Variants in ICAM1 observed in about 807,000 individuals in gnomAD.
ICAM1 encodes intercellular adhesion molecule 1.
A neutral mutation model predicts 42.3 loss-of-function variants in ICAM1; 28 were observed. The observed-to-expected ratio is 0.66, with a 90% CI of 0.49 to 0.91. ICAM1 has a LOEUF of 0.91. ICAM1 is among the 40% of genes least tolerant of loss of function. ICAM1 has a pLI of 0.00. For synonymous variants in ICAM1, 304 were observed against 305.9 expected (o/e 0.99, Z 0.07); for missense variants, 637 against 688.6 (o/e 0.93, Z 0.84).
chr19:10,286,204 C>T lies in ICAM1; in HGVS notation c.*917C>T, dbSNP rs1266480859. The T allele has an allele frequency of 6.6e-6, 1 of 152,386 alleles. No homozygotes were observed. The highest frequency in any genetic ancestry group is 1.5e-5 in the Non-Finnish European group (1 of 68,068). 9.4% of individuals were successfully genotyped at this position (152,386 alleles called of 1,614,324 possible). ...GACATGAGTGCCCAGGGAATATGCC[C>T]AAGCTATGCCTTGTCCTCTTGTCCT... On this transcript the variant is annotated 3_prime_UTR_variant, in exon 7 of 7. Coordinates refer to ENST00000264832, the MANE Select transcript of ICAM1 (RefSeq NM_000201.3).
At chr19:10,282,813 G>T (rs1459836401) in intron 2 of ICAM1, among the ~76,000 whole-genome samples, 2 of 151,938 alleles carry the variant, frequency 1.3e-5, no homozygotes, top group Admixed American at 6.6e-5. Flanking sequence ...AGGAATTCGA[G>T]ACCAGCCTGG....
intron 2 of ICAM1, among the ~76,000 whole-genome samples, chr19:10,281,124 T>C (rs560017070): frequency 1.2e-4 from 18 of 150,512 alleles, no homozygotes; most frequent in South Asian, 4.2e-4. Context: ...CCGCCCGCCT[T>C]GGCCTCCCAA....
At chr19:10,283,884 G>A (rs983160615) in intron 3 of ICAM1, 98 bp downstream of exon 3, 20 of 1,443,552 alleles carry the variant, frequency 1.4e-5, no homozygotes, top group African/African-American at 7.0e-5. Flanking sequence ...GTGTGGCCCC[G>A]GCTAAGGGGT....
rs751590636 is a variant in ICAM1, at chr19:10,284,674, G to A, written c.1180+17G>A. The A allele has an allele frequency of 6.2e-7, 1 of 1,613,514 alleles. No homozygotes were observed. Among genetic ancestry groups the A allele is most frequent in the South Asian group, 1.1e-5 (1 of 91,072 alleles). ...GTGTCCTGTGTGAGTGGGGCTGCTG[G>A]TCAATGGCCCCTATCCCCCAAGGCC... On this transcript the variant is annotated intron_variant, in intron 5 of 6. Transcript: ENST00000264832. This position sits in a 1 kb window ranked among gnomAD's most constrained non-coding sequence, Gnocchi z 5.4.
rs370706504 is a variant in ICAM1, at chr19:10,272,208, C to G, written c.67+982C>G. 7.9e-5 allele frequency among the ~76,000 whole-genome samples: 12 copies of G among 152,118 alleles called. No homozygotes were observed. The East Asian group carries it at 1.2e-3, about 15-fold the overall frequency. ...GCTGAGGGAGGAAAATCCCTTAAGC[C>G]CACGAGGCTGAGGTTGCAGTGAACC... On this transcript the variant is annotated intron_variant, in intron 1 of 6. Coordinates refer to ENST00000264832, the MANE Select transcript of ICAM1 (RefSeq NM_000201.3).
At chr19:10,279,469 G>A (rs2040040368) in intron 2 of ICAM1, among the ~76,000 whole-genome samples, 1 of 151,964 alleles carries the variant, frequency 6.6e-6, no homozygotes, top group African/African-American at 2.4e-5. Flanking sequence ...TTGAACCCAG[G>A]AATTTTTTTG....
chr19:10,275,802 G>A (rs998407383), intron 2 of ICAM1, among the ~76,000 whole-genome samples: 10 of 150,924 alleles, frequency 6.6e-5, no homozygotes, highest in Non-Finnish European at 1.0e-4. Context: ...CCGCCTCCCG[G>A]GTTCACGCCA....
At position 10,285,532 on chromosome 19, in the gene ICAM1, C is replaced by T. The variant is rs2040097662; in HGVS notation, c.*245C>T. The T allele has an allele frequency of 2.0e-6, 1 of 510,280 alleles. No individual in the cohort carries two copies. The highest frequency in any genetic ancestry group is 3.5e-6 in the Non-Finnish European group (1 of 286,046). 31.6% of individuals were successfully genotyped at this position (510,280 alleles called of 1,614,324 possible). ...TAAGCCAAGAGGAAGGAGCAAGACT[C>T]AAGACATGATTGATGGATGTTAAAG... On this transcript the variant is annotated 3_prime_UTR_variant, in exon 7 of 7. Coordinates refer to ENST00000264832, the MANE Select transcript of ICAM1 (RefSeq NM_000201.3).
chr19:10,271,314 G>A (rs982288877), intron 1 of ICAM1, 88 bp downstream of exon 1: 6 of 1,164,804 alleles, frequency 5.2e-6, no homozygotes, highest in Non-Finnish European at 7.4e-6. Context: ...TGCTTAGGTA[G>A]CTGTTTATGG....
At chr19:10,280,600 G>A (rs945254056) in intron 2 of ICAM1, among the ~76,000 whole-genome samples, 9 of 150,454 alleles carry the variant, frequency 6.0e-5, no homozygotes, top group East Asian at 2.0e-4. Context: ...CCGGAGTTTC[G>A]CTCTTATTGC....
chr19:10,285,917 G>A lies in ICAM1; in HGVS notation c.*630G>A, dbSNP rs1225671621. The A allele has an allele frequency of 6.5e-6, 1 of 153,792 alleles. No homozygotes were observed. The highest frequency in any genetic ancestry group is 1.4e-5 in the Non-Finnish European group (1 of 69,072). The allele number at this position is 153,792 out of a possible 1,614,324, so 9.5% of individuals were successfully genotyped here. A position where few individuals can be genotyped will look rare whatever the true frequency, so the allele number is the denominator to read the frequency against. On this transcript the variant is annotated 3_prime_UTR_variant, in exon 7 of 7. Coordinates refer to ENST00000264832, the MANE Select transcript of ICAM1 (RefSeq NM_000201.3). ...CAAGGTCACCAGGTACAGTTGTACA[G>A]GTTGTACACTGCAGGAGAGTGCCTG...
intron 1 of ICAM1, 138 bp from the exon 2 acceptor site, chr19:10,274,627 T>C: frequency 1.0e-6 from 1 of 996,132 alleles, no homozygotes; most frequent in Non-Finnish European, 1.4e-6. Context: ...CTCATGAATT[T>C]TCTCTTTAAC....
chr19:10,274,013 C>CAAAA (rs34434348), intron 1 of ICAM1, among the ~76,000 whole-genome samples: 1 of 134,464 alleles, frequency 7.4e-6, no homozygotes. Context: ...GACTCCATCT[C>CAAAA]AAAAAAAAAA....
In ICAM1 at chr19:10,274,675, G is replaced by A; in HGVS notation, c.68-90G>A. The stretch of plus-strand genomic sequence containing the variant: ...GGCAAAGTATTGTCTTGTTAAGGCT[G>A]TGCCTCCAGCACCCAGCACAGGCTG... On this transcript the variant is annotated intron_variant, in intron 1 of 6. Coordinates refer to ENST00000264832, the MANE Select transcript of ICAM1 (RefSeq NM_000201.3). 3 of 1,425,660 alleles carry A rather than the reference G, an allele frequency of 2.1e-6. No homozygotes were observed. In the South Asian group the frequency reaches 3.9e-5, roughly 19 times the overall value. 88.3% of individuals were successfully genotyped at this position (1,425,660 alleles called of 1,614,324 possible). A position where few individuals can be genotyped will look rare whatever the true frequency, so the allele number is the denominator to read the frequency against.
At chr19:10,272,228 T>C (rs2039986734) in intron 1 of ICAM1, among the ~76,000 whole-genome samples, 1 of 152,182 alleles carries the variant, frequency 6.6e-6, no homozygotes, top group Admixed American at 6.6e-5. Flanking sequence ...GAGGTTGCAG[T>C]GAACCAAGAT....
chr19:10,271,345 C>A, intron 1 of ICAM1, 119 bp downstream of exon 1: 2 of 831,742 alleles, frequency 2.4e-6, no homozygotes, highest in Non-Finnish European at 1.9e-6. Context: ...CTAGAGACAG[C>A]GATTGAAAGG....
At chr19:10,274,646 C>A (rs779275059) in intron 1 of ICAM1, 119 bp from the exon 2 acceptor site, 8 of 1,171,974 alleles carry the variant, frequency 6.8e-6, no homozygotes, top group Non-Finnish European at 9.5e-6. Flanking sequence ...ACTTCCACAT[C>A]GAAGGCAAAG....
In ICAM1 at chr19:10,284,353, T is replaced by TG; in HGVS notation, c.925+38dup. On this transcript the variant is annotated intron_variant, in intron 4 of 6. Coordinates refer to ENST00000264832, the MANE Select transcript of ICAM1 (RefSeq NM_000201.3). The surrounding 1 kb of genome is among the most constrained non-coding windows in gnomAD (Gnocchi z 5.4). ...GGGGCAGGGGCGGAGTGGGGCTTCT[T>TG]GGGGGTGTGACCTGAACCCGGGGCG... is the stretch of plus-strand genomic sequence containing the variant. The TG allele has an allele frequency of 6.2e-7, 1 of 1,611,170 alleles. No individual in the cohort carries two copies. The highest frequency in any genetic ancestry group is 8.5e-7 in the Non-Finnish European group (1 of 1,179,126).
At chr19:10,281,699 C>T (rs1312157794) in intron 2 of ICAM1, among the ~76,000 whole-genome samples, 1 of 149,240 alleles carries the variant, frequency 6.7e-6, no homozygotes, top group East Asian at 2.0e-4. Flanking sequence ...GTATCAAATG[C>T]AGGACCCCCC....
Sources: allele counts gnomAD v4.1 joint callset (sites outside exome capture counted in the v4.1 genomes callset), GRCh38; gene constraint gnomAD v4.1.1; non-coding constraint Gnocchi (gnomAD v3.1); transcripts MANE v1.5; gene names NCBI Gene and HGNC (gene_info 2026-07-23, HGNC 2026-07-21).